The following KLRG1 variants were observed in gnomAD, a reference collection of about 807,000 sequenced individuals.
KLRG1 encodes the protein killer cell lectin like receptor G1, also known as killer cell lectin-like receptor subfamily G member 1.
In KLRG1, 16 loss-of-function variants were observed where a neutral mutation model predicts 21.8. That is an observed-to-expected ratio of 0.73 (90% CI 0.50 to 1.11). The LOEUF (loss-of-function observed/expected upper bound fraction) is 1.11, where lower values mean the gene tolerates loss of function less well. KLRG1 is among the 50% of genes most tolerant of loss of function. The pLI is 0.00. For missense variants in KLRG1, 173 were observed against 218.3 expected, an observed-to-expected ratio of 0.79 and a Z score of 1.31; for synonymous variants, 69 against 75.9, an observed-to-expected ratio of 0.91 and a Z score of 0.47.
intron 1 of KLRG1, among the ~76,000 whole-genome samples, chr12:8,979,781 A>G (rs1018998187): frequency 2.0e-5 from 3 of 152,076 alleles, no homozygotes; most frequent in Non-Finnish European, 4.4e-5. Context: ...GATAATTTCA[A>G]ATAACCTGTG....
the KLRG1 span, among the ~76,000 whole-genome samples, chr12:9,053,460 A>G: frequency 2.0e-5 from 3 of 152,086 alleles, no homozygotes; most frequent in Non-Finnish European, 4.4e-5. Context: ...ACCCCACCAC[A>G]TTTGTTCTCA....
chr12:9,095,387 G>T, the KLRG1 span, among the ~76,000 whole-genome samples: 1 of 152,028 alleles, frequency 6.6e-6, no homozygotes, highest in Non-Finnish European at 1.5e-5. Flanking sequence ...GCAGCTTTTC[G>T]CAGATCTGCT....
chr12:9,165,452 G>A, the KLRG1 span: 33 of 1,442,100 alleles, frequency 2.3e-5, no homozygotes, highest in South Asian at 4.9e-5. Flanking sequence ...TAAAGCTAAC[G>A]TCAAGAACTG....
chr12:8,980,523 C>T (rs147369906), intron 1 of KLRG1, among the ~76,000 whole-genome samples: 2 of 152,268 alleles, frequency 1.3e-5, no homozygotes, highest in Non-Finnish European at 2.9e-5. Flanking sequence ...CCTCTTACTG[C>T]CTGCAAGGGT....
At chr12:8,967,568 A>C (rs1946497352) in intron 1 of KLRG1, among the ~76,000 whole-genome samples, 1 of 133,966 alleles carries the variant, frequency 7.5e-6, no homozygotes, top group Non-Finnish European at 1.7e-5. Context: ...CAAAAAATTA[A>C]AAAATTAGCC....
the KLRG1 span, among the ~76,000 whole-genome samples, chr12:9,065,390 G>A: frequency 3.3e-5 from 5 of 152,066 alleles, no homozygotes; most frequent in African/African-American, 9.7e-5. Context: ...TGCCTACTCC[G>A]GCTGCCTGGC....
the KLRG1 span, among the ~76,000 whole-genome samples, chr12:9,097,327 C>G: frequency 8.5e-5 from 13 of 152,086 alleles, no homozygotes; most frequent in Admixed American, 5.2e-4. Context: ...ATAAATTTCT[C>G]TTTGTTAAAT....
At chr12:9,060,281 C>G in the KLRG1 span, among the ~76,000 whole-genome samples, 3 of 151,740 alleles carry the variant, frequency 2.0e-5, no homozygotes, top group Non-Finnish European at 4.4e-5. Flanking sequence ...CTTGGCCTCC[C>G]AAAGTGCTGG....
rs2137454328 is a variant in KLRG1, at chr12:9,010,030, G to A, written c.*493G>A. ...TTTGCAGATCAAGCTTTATTCTGAA[G>A]AATAAACCTAGCTGGCATGCTGGTG... On this transcript the variant is annotated 3_prime_UTR_variant, in exon 5 of 5. Transcript: ENST00000356986. 6.5e-7 allele frequency: 1 copy of A among 1,533,120 alleles called. No homozygotes were observed. Among genetic ancestry groups the A allele is most frequent in the African/African-American group, 1.4e-5 (1 of 73,012 alleles). 95.0% of individuals were successfully genotyped at this position (1,533,120 alleles called of 1,614,324 possible).
the KLRG1 span, among the ~76,000 whole-genome samples, chr12:9,208,967 A>T: frequency 2.6e-5 from 4 of 152,128 alleles, no homozygotes; most frequent in Non-Finnish European, 5.9e-5. Context: ...ACCTGATCAG[A>T]TTCTTAGTTG....
the KLRG1 span, chr12:9,157,729 G>A: frequency 6.3e-7 from 1 of 1,576,292 alleles, no homozygotes; most frequent in Non-Finnish European, 8.7e-7. Flanking sequence ...CAAATCTACA[G>A]TTTTCATGGT....
At chr12:9,153,387 G>T in the KLRG1 span, 1 of 1,543,526 alleles carries the variant, frequency 6.5e-7, no homozygotes, top group Non-Finnish European at 8.9e-7. Flanking sequence ...GTAAATTTTT[G>T]GCATCTGGGA....
rs779165100 is a variant in KLRG1, at chr12:9,009,516, G to A, written c.549G>A (p.Val183=). 6.2e-7 allele frequency: 1 copy of A among 1,613,900 alleles called. No individual in the cohort carries two copies. Among genetic ancestry groups the A allele is most frequent in the Non-Finnish European group, 8.5e-7 (1 of 1,179,886 alleles). ...GCTGTGAAGTTCCTTTACACTGGGT[G>A]TGTAAGAAGGTCAGACTTTGATAGA... is the stretch of plus-strand genomic sequence containing the variant. ...ASSCEVPLHW[V]CKKVRL is the part of the protein sequence containing the mutation. Residue 183 remains valine, a synonymous_variant, in exon 5 of 5, where the codon GTG becomes GTA. Coordinates refer to ENST00000356986, the MANE Select transcript of KLRG1 (RefSeq NM_005810.4).
At chr12:9,109,016 C>T in the KLRG1 span, among the ~76,000 whole-genome samples, 2 of 140,346 alleles carry the variant, frequency 1.4e-5, no homozygotes, top group African/African-American at 2.9e-5. Context: ...CCCTTCAACA[C>T]TATCCACCCT....
chr12:9,012,144 GC>G (rs541992119), downstream of KLRG1, among the ~76,000 whole-genome samples: 132 of 152,338 alleles, frequency 8.7e-4, no homozygotes, highest in Non-Finnish European at 1.6e-3. Flanking sequence ...CAGCTGGGTG[GC>G]CAAGGGAGTG....
chr12:9,199,484 A>G, the KLRG1 span, among the ~76,000 whole-genome samples: 6 of 152,172 alleles, frequency 3.9e-5, no homozygotes, highest in African/African-American at 1.4e-4. Context: ...CTGGTTATTG[A>G]ACAATTGTTC....
chr12:8,978,617 G>C (rs988459699), intron 1 of KLRG1, among the ~76,000 whole-genome samples: 14 of 151,762 alleles, frequency 9.2e-5, no homozygotes, highest in Admixed American at 9.2e-4. Flanking sequence ...ACATGTGACA[G>C]TCTTTCTTTT....
the KLRG1 span, among the ~76,000 whole-genome samples, chr12:9,215,052 C>G: frequency 6.6e-6 from 1 of 151,920 alleles, no homozygotes; most frequent in African/African-American, 2.4e-5. Context: ...CCATAGATTT[C>G]CTATTCATTT....
chr12:9,214,965 G>A, the KLRG1 span, among the ~76,000 whole-genome samples: 1 of 151,616 alleles, frequency 6.6e-6, no homozygotes, highest in African/African-American at 2.4e-5. Flanking sequence ...GAGTTGTAGG[G>A]GTTCCTTATA....
Sources: gnomAD v4.1 joint callset for allele counts (sites outside exome capture counted in the v4.1 genomes callset) on GRCh38, gnomAD v4.1.1 for gene constraint, MANE v1.5 for transcripts, NCBI Gene and HGNC (gene_info 2026-07-23, HGNC 2026-07-21) for gene names.